Variants in TEX11 observed in about 807,000 individuals in gnomAD.
TEX11 encodes the protein testis-expressed protein 11.
A neutral mutation model predicts 84.4 loss-of-function variants in TEX11; 7 were observed. That is an observed-to-expected ratio of 0.08 (90% CI 0.05 to 0.16). The LOEUF is 0.16. Ranked by LOEUF, TEX11 falls within the 10% of genes least tolerant of loss-of-function variation. TEX11 has a pLI of 1.00. For missense variants in TEX11, 551 were observed against 660.5 expected (o/e 0.83, Z 1.82); for synonymous variants, 264 against 222.8 (o/e 1.18, Z -1.64).
At chrX:70,833,425 C>T in intron 8 of TEX11, 88 bp downstream of exon 8, 2 of 758,722 alleles carry the variant, frequency 2.6e-6, no homozygotes, top group Non-Finnish European at 4.0e-6. Context: ...AATAGAATCT[C>T]CAAAAGGTTG....
At chrX:70,864,357 G>A (rs187132671) in intron 4 of TEX11, among the ~76,000 whole-genome samples, 1 of 110,983 alleles carries the variant, frequency 9.0e-6, no homozygotes, top group Non-Finnish European at 1.9e-5. Flanking sequence ...ACCCACAAAG[G>A]GAAGCCCATC....
intron 11 of TEX11, among the ~76,000 whole-genome samples, chrX:70,730,986 A>G (rs1019403147): frequency 1.8e-5 from 2 of 112,314 alleles, no homozygotes; most frequent in Non-Finnish European, 3.8e-5. Context: ...ACTAGAACTC[A>G]GGATTAAGAA....
At chrX:70,825,791 C>G (rs921553799) in intron 8 of TEX11, among the ~76,000 whole-genome samples, 21 of 109,919 alleles carry the variant, frequency 1.9e-4, no homozygotes, top group African/African-American at 6.6e-4. Context: ...GCCTGGCCAA[C>G]ATGGTGAAAC....
At chrX:70,569,582 T>C (rs1407518347) in intron 25 of TEX11, among the ~76,000 whole-genome samples, 5 of 111,821 alleles carry the variant, frequency 4.5e-5, no homozygotes, top group African/African-American at 6.5e-5. Flanking sequence ...AGATGGGTTT[T>C]TAGTGTGGAT....
chrX:70,882,912 T>C (rs2091690672), intron 2 of TEX11, among the ~76,000 whole-genome samples: 1 of 112,552 alleles, frequency 8.9e-6, no homozygotes, highest in African/African-American at 3.2e-5. Context: ...TTTTATTAAC[T>C]CATTTTTGTC....
intron 25 of TEX11, among the ~76,000 whole-genome samples, chrX:70,569,097 G>T (rs1194777715): frequency 1.3e-4 from 14 of 111,524 alleles, no homozygotes; most frequent in African/African-American, 4.6e-4. Flanking sequence ...TGGAGGCTTT[G>T]TTCATTTCTT....
chrX:70,768,024 G>T (rs1398357742), intron 9 of TEX11, among the ~76,000 whole-genome samples: 1 of 111,000 alleles, frequency 9.0e-6, no homozygotes, highest in Non-Finnish European at 1.9e-5. Context: ...ATGATTAATG[G>T]TTATAAAAAA....
chrX:70,793,589 T>C (rs1181097630), intron 9 of TEX11, among the ~76,000 whole-genome samples: 1 of 111,761 alleles, frequency 8.9e-6, no homozygotes, highest in African/African-American at 3.3e-5. Context: ...CCTTCTGCCA[T>C]GAGAAAAAGC....
At chrX:70,846,003 A>C (rs1286550406) in intron 7 of TEX11, 2 of 111,700 alleles carry the variant, frequency 1.8e-5, no homozygotes, top group East Asian at 2.8e-4. Flanking sequence ...AATAAAATTA[A>C]TCATCTTTAC....
chrX:70,729,929 A>T (rs1303450412), intron 11 of TEX11, among the ~76,000 whole-genome samples: 2 of 112,472 alleles, frequency 1.8e-5, no homozygotes, highest in African/African-American at 6.4e-5. Flanking sequence ...GTTACCCACA[A>T]GGGGAAGTCC....
chrX:70,838,796 C>T (rs769027280), intron 7 of TEX11, among the ~76,000 whole-genome samples: 13 of 112,581 alleles, frequency 1.2e-4, no homozygotes, highest in African/African-American at 4.2e-4. Context: ...TAATACTGCG[C>T]TTTTCCAACG....
chrX:70,620,472 C>A (rs975468289), intron 20 of TEX11, among the ~76,000 whole-genome samples: 3 of 111,847 alleles, frequency 2.7e-5, no homozygotes, highest in African/African-American at 9.8e-5. Context: ...TGAGGGCACA[C>A]AGCAACAGGG....
At chrX:70,908,318 C>A (rs1602229594) in intron 1 of TEX11, among the ~76,000 whole-genome samples, 1 of 110,067 alleles carries the variant, frequency 9.1e-6, no homozygotes, top group Middle Eastern at 4.7e-3. Context: ...CCATCCTCAT[C>A]AAAAAACATT....
intron 11 of TEX11, among the ~76,000 whole-genome samples, chrX:70,739,286 C>T (rs1451766415): frequency 9.0e-6 from 1 of 110,646 alleles, no homozygotes; most frequent in Non-Finnish European, 1.9e-5. Context: ...TCTGGTTGAT[C>T]GAGCTATTCA....
At position 70,890,298 on chromosome X, in the gene TEX11, G is replaced by C. The variant is rs900856402; in HGVS notation, c.38-10189C>G. 5.4e-5 allele frequency among the ~76,000 whole-genome samples: 6 copies of C among 111,841 alleles called. No homozygotes were observed. The East Asian group carries it at 1.7e-3, about 31-fold the overall frequency. ...TCGACACAGAAGACGGGTGATTTCT[G>C]CATTTCCAACTGAGGTACCTGGTTC... On this transcript the variant is annotated intron_variant, in intron 2 of 29. Transcript: ENST00000374333.
intron 25 of TEX11, among the ~76,000 whole-genome samples, chrX:70,569,235 G>A (rs1308395171): frequency 1.8e-5 from 2 of 111,837 alleles, no homozygotes; most frequent in Non-Finnish European, 3.8e-5. Flanking sequence ...CGTAGTTCTT[G>A]AGCCTTGGCT....
intron 8 of TEX11, among the ~76,000 whole-genome samples, chrX:70,825,750 T>G (rs983326172): frequency 9.0e-6 from 1 of 111,184 alleles, no homozygotes; most frequent in Non-Finnish European, 1.9e-5. Context: ...CCAAGGTGGG[T>G]GGATCACCTG....
At chrX:70,635,594 A>G (rs2089562109) in intron 17 of TEX11, among the ~76,000 whole-genome samples, 1 of 112,201 alleles carries the variant, frequency 8.9e-6, no homozygotes, top group Admixed American at 9.4e-5. Flanking sequence ...TGACATCAGT[A>G]GTTCCAGGCA....
intron 10 of TEX11, among the ~76,000 whole-genome samples, chrX:70,743,871 A>ACAC (rs2090749893): frequency 5.7e-5 from 5 of 87,721 alleles, no homozygotes; most frequent in Non-Finnish European, 1.1e-4. Context: ...TCTATCTCAA[A>ACAC]ACACACACAC....
Sources: gnomAD v4.1 joint callset for allele counts (sites outside exome capture counted in the v4.1 genomes callset) on GRCh38, gnomAD v4.1.1 for gene constraint, MANE v1.5 for transcripts, NCBI Gene and HGNC (gene_info 2026-07-23, HGNC 2026-07-21) for gene names.